The following CDH12 variants were observed in gnomAD, a reference collection of about 807,000 sequenced individuals.
The protein encoded by CDH12 is cadherin 12.
Under a neutral mutation model 74.1 loss-of-function variants are expected in CDH12, and 41 were observed. That is an observed-to-expected ratio of 0.55 (90% confidence interval 0.43 to 0.72). The LOEUF (loss-of-function observed/expected upper bound fraction) is 0.72, where lower values mean the gene tolerates loss of function less well. Ranked by LOEUF, CDH12 falls within the 30% of genes least tolerant of loss-of-function variation. The pLI, the probability that CDH12 is intolerant of heterozygous loss-of-function variation, is 0.00. For synonymous variants in CDH12, 399 were observed against 355.0 expected, an observed-to-expected ratio of 1.12 and a Z score of -1.39; for missense variants, 945 against 977.2, an observed-to-expected ratio of 0.97 and a Z score of 0.44.
chr5:21,800,265 A>G (rs1157451748), intron 10 of CDH12, among the ~76,000 whole-genome samples: 2 of 152,166 alleles, frequency 1.3e-5, no homozygotes, highest in African/African-American at 2.4e-5. Context: ...AATTAATATT[A>G]GAAGAAGTTG....
chr5:22,155,476 T>A (rs1286479742), intron 4 of CDH12, among the ~76,000 whole-genome samples: 1 of 152,130 alleles, frequency 6.6e-6, no homozygotes, highest in East Asian at 1.9e-4. Flanking sequence ...TTTAAGCAGA[T>A]ATAAAGATCT....
chr5:22,567,255 T>G (rs1739333372), intron 1 of CDH12, among the ~76,000 whole-genome samples: 1 of 152,076 alleles, frequency 6.6e-6, no homozygotes, highest in East Asian at 1.9e-4. Flanking sequence ...TTTCAACCAT[T>G]GTCCATAAAA....
At chr5:22,324,750 A>T (rs1739015168) in intron 3 of CDH12, among the ~76,000 whole-genome samples, 1 of 152,162 alleles carries the variant, frequency 6.6e-6, no homozygotes, top group Non-Finnish European at 1.5e-5. Flanking sequence ...CAATTATTGC[A>T]GTGGCCTCTT....
chr5:22,206,060 T>C (rs1212555158), intron 4 of CDH12, among the ~76,000 whole-genome samples: 1 of 152,042 alleles, frequency 6.6e-6, no homozygotes, highest in Non-Finnish European at 1.5e-5. Flanking sequence ...CTTCCTGAGA[T>C]GGGAAAAGCT....
chr5:22,765,138 T>G (rs73068183), intron 1 of CDH12, among the ~76,000 whole-genome samples: 1 of 151,912 alleles, frequency 6.6e-6, no homozygotes, highest in Non-Finnish European at 1.5e-5. Context: ...CGTTTCAAAA[T>G]ATGGTATTAA....
intron 11 of CDH12, among the ~76,000 whole-genome samples, chr5:21,780,737 C>A (rs1472696764): frequency 6.6e-6 from 1 of 152,096 alleles, no homozygotes; most frequent in Non-Finnish European, 1.5e-5. Context: ...TCACAGAGGT[C>A]TTCTATTCTG....
rs188264654 is a variant in CDH12, at chr5:22,134,073, T to G, written c.-186-55211A>C. Among the ~76,000 whole-genome samples the G allele has an allele frequency of 1.6e-3, 247 of 152,190 alleles. 3 individuals are homozygous for G. Among genetic ancestry groups the G allele is most frequent in the African/African-American group, 5.9e-3 (244 of 41,548 alleles). On this transcript the variant is annotated intron_variant, in intron 4 of 14. Coordinates refer to ENST00000382254, the MANE Select transcript of CDH12 (RefSeq NM_004061.5). Reference sequence around the variant, plus strand: ...AGAACAGTACCCAAGATGCTTCAGTTCAGATAATATTTTGTTTCATTATGA... The same window carrying G: ...AGAACAGTACCCAAGATGCTTCAGTGCAGATAATATTTTGTTTCATTATGA...
intron 1 of CDH12, among the ~76,000 whole-genome samples, chr5:22,600,915 C>T (rs1296372327): frequency 2.0e-5 from 3 of 151,978 alleles, no homozygotes; most frequent in Non-Finnish European, 4.4e-5. Flanking sequence ...AAAGTCTTCC[C>T]TTTAATAAAA....
At chr5:22,795,166 G>C (rs371088457) in intron 1 of CDH12, among the ~76,000 whole-genome samples, 3 of 152,072 alleles carry the variant, frequency 2.0e-5, no homozygotes, top group Non-Finnish European at 2.9e-5. Context: ...ACCTGCCAAA[G>C]ACCTTGAAGC....
intron 5 of CDH12, among the ~76,000 whole-genome samples, chr5:21,983,815 T>C (rs996988753): frequency 4.9e-4 from 74 of 152,284 alleles, no homozygotes; most frequent in African/African-American, 1.7e-3. Flanking sequence ...TTATTGGTAA[T>C]GCTCTTCATT....
chr5:22,206,679 CAAAAAAAAA>C (rs71609754), intron 4 of CDH12, among the ~76,000 whole-genome samples: 3 of 55,282 alleles, frequency 5.4e-5, no homozygotes, highest in South Asian at 1.0e-3. Flanking sequence ...GATTCCACTG[CAAAAAAAAA>C]AAAAAAAAAA....
chr5:22,458,970 T>C (rs192026416), intron 2 of CDH12, among the ~76,000 whole-genome samples: 84 of 152,292 alleles, frequency 5.5e-4, no homozygotes, highest in Middle Eastern at 3.4e-3. Context: ...TATATCCATT[T>C]AATAGCACTA....
intron 1 of CDH12, among the ~76,000 whole-genome samples, chr5:22,576,779 G>C (rs1186143339): frequency 2.0e-5 from 3 of 152,104 alleles, no homozygotes; most frequent in Non-Finnish European, 2.9e-5. Context: ...CTGAGAGAGA[G>C]AGAGAGATAC....
In CDH12 at chr5:22,349,235, T is replaced by C. The variant is rs540159883; in HGVS notation, c.-333+56022A>G. Reference sequence around the variant, plus strand: ...TGTTGTTTATAAGCTGTCTAGTCCATGGCATTTTGTTATAGCTGCCCGAAT... The same window carrying C: ...TGTTGTTTATAAGCTGTCTAGTCCACGGCATTTTGTTATAGCTGCCCGAAT... On this transcript the variant is annotated intron_variant, in intron 3 of 14. Transcript: ENST00000382254. Among the ~76,000 whole-genome samples, 366 of 152,334 alleles carry C rather than the reference T, an allele frequency of 2.4e-3. 3 individuals are homozygous for C. Among genetic ancestry groups the C allele is most frequent in the African/African-American group, 8.1e-3 (338 of 41,574 alleles).
At chr5:21,935,578 C>T (rs1477265124) in intron 6 of CDH12, among the ~76,000 whole-genome samples, 2 of 152,210 alleles carry the variant, frequency 1.3e-5, no homozygotes, top group South Asian at 2.1e-4. Context: ...ACACAGTTAT[C>T]CTTTGTGTTA....
chr5:22,567,395 G>A (rs1006766769), intron 1 of CDH12, among the ~76,000 whole-genome samples: 1 of 152,134 alleles, frequency 6.6e-6, no homozygotes, highest in Non-Finnish European at 1.5e-5. Context: ...AAGCCTGAGG[G>A]GCATGGCCGT....
intron 3 of CDH12, among the ~76,000 whole-genome samples, chr5:22,250,190 A>AATATATAT (rs35658227): frequency 1.3e-5 from 2 of 150,214 alleles, no homozygotes; most frequent in South Asian, 2.1e-4. Flanking sequence ...AAAAGAAAAG[A>AATATATAT]ATATATATAT....
intron 3 of CDH12, among the ~76,000 whole-genome samples, chr5:22,215,372 T>C (rs964603788): frequency 6.6e-6 from 1 of 152,132 alleles, no homozygotes; most frequent in African/African-American, 2.4e-5. Flanking sequence ...TTAAAAACCA[T>C]TTTATAACTG....
intron 1 of CDH12, among the ~76,000 whole-genome samples, chr5:22,779,307 A>G: frequency 6.6e-6 from 1 of 152,056 alleles, no homozygotes; most frequent in East Asian, 1.9e-4. Context: ...AAATATTTTC[A>G]CTATAAACAA....
Sources: allele counts gnomAD v4.1 joint callset (sites outside exome capture counted in the v4.1 genomes callset), GRCh38; gene constraint gnomAD v4.1.1; transcripts MANE v1.5; gene names NCBI Gene and HGNC (gene_info 2026-07-23, HGNC 2026-07-21).